The following CNTN6 variants were observed in gnomAD, a reference collection of about 807,000 sequenced individuals.
CNTN6 encodes contactin 6, also known as contactin-6.
Under a neutral mutation model 122.8 loss-of-function variants are expected in CNTN6, and 137 were observed. That is an observed-to-expected ratio of 1.12 (90% CI 0.97 to 1.29). CNTN6 has a LOEUF of 1.29. CNTN6 is among the 50% of genes most tolerant of loss of function. The pLI is 0.00. For missense variants in CNTN6, 1,634 were observed against 1,223.4 expected (o/e 1.34, Z -5.01); for synonymous variants, 570 against 426.0 (o/e 1.34, Z -4.16).
chr3:1,227,953 G>A lies in CNTN6; in HGVS notation c.318G>A (p.Leu106=), dbSNP rs780463628. 2 of 1,613,842 alleles carry A rather than the reference G, an allele frequency of 1.2e-6. No individual in the cohort carries two copies. Among genetic ancestry groups the A allele is most frequent in the South Asian group, 2.2e-5 (2 of 91,040 alleles). Residue 106 remains leucine (L), a synonymous_variant, in exon 4 of 23, where the codon CTG becomes CTA. Transcript: ENST00000446702. ...GMYQCLATNL[L]GTILSRKAKL... ...ACCAGTGCCTGGCCACCAATCTTCTGGGGACAATTCTGAGTCGGAAGGCAA... is the reference window on the plus strand; with the variant it reads ...ACCAGTGCCTGGCCACCAATCTTCTAGGGACAATTCTGAGTCGGAAGGCAA...
chr3:1,329,845 G>T lies in CNTN6; in HGVS notation c.1274G>T (p.Gly425Val). The change falls in exon 11 of 23, where the codon GGG (glycine) becomes GTG (valine). Residue 425 changes from glycine (G) to valine (V), a missense_variant. Coordinates refer to ENST00000446702, the MANE Select transcript of CNTN6 (RefSeq NM_001289080.2). Reference protein sequence around the residue: ...VKKKSFVQVGGDIVIGCKPNA... With the variant: ...VKKKSFVQVGVDIVIGCKPNA... ...AAAAAGTCTTTTGTTCAAGTTGGTG[G>T]GGATATTGTTATCGGATGCAAACCA... The T allele has an allele frequency of 1.2e-6, 2 of 1,610,804 alleles. No homozygotes were observed. Among genetic ancestry groups the T allele is most frequent in the Non-Finnish European group, 1.7e-6 (2 of 1,178,026 alleles).
chr3:1,334,647 A>G (rs1339042889), intron 11 of CNTN6, among the ~76,000 whole-genome samples: 2 of 152,096 alleles, frequency 1.3e-5, no homozygotes, highest in African/African-American at 4.8e-5. Context: ...CAAAACAGCT[A>G]AAATGATTTG....
At chr3:1,276,079 A>C (rs1482637412) in intron 4 of CNTN6, among the ~76,000 whole-genome samples, 1 of 152,232 alleles carries the variant, frequency 6.6e-6, no homozygotes, top group Admixed American at 6.5e-5. Flanking sequence ...AACTAAAAAA[A>C]CTACAATGTG....
intron 7 of CNTN6, among the ~76,000 whole-genome samples, chr3:1,305,373 A>C (rs1698190773): frequency 2.6e-5 from 4 of 152,204 alleles, no homozygotes; most frequent in Admixed American, 6.5e-5. Flanking sequence ...GGGATATGTA[A>C]CTGACTTCCT....
rs2126048349 is a variant in CNTN6, at chr3:1,344,440, G to A, written c.1365-7884G>A. ...TGACTGCCCCTTTGCTGGTGGAGCT[G>A]CTTTACCTGAACCTTTGACAGTCAG... On this transcript the variant is annotated intron_variant, in intron 11 of 22. Coordinates refer to ENST00000446702, the MANE Select transcript of CNTN6 (RefSeq NM_001289080.2). 2.6e-5 allele frequency among the ~76,000 whole-genome samples: 4 copies of A among 152,288 alleles called. 1 individual carries two copies. The South Asian group carries it at 8.3e-4, about 32-fold the overall frequency.
intron 11 of CNTN6, among the ~76,000 whole-genome samples, chr3:1,342,329 C>CAT (rs1704011033): frequency 1.3e-5 from 2 of 152,192 alleles, no homozygotes; most frequent in Admixed American, 1.3e-4. Flanking sequence ...GGGGTTTCAC[C>CAT]ATGTTGTTCA....
chr3:1,214,645 A>G (rs577325526), intron 2 of CNTN6, among the ~76,000 whole-genome samples: 3 of 152,158 alleles, frequency 2.0e-5, no homozygotes, highest in Admixed American at 1.3e-4. Flanking sequence ...TATTGGTGAT[A>G]ATACTAAAGT....
chr3:1,181,950 C>T (rs2093560849), intron 2 of CNTN6, among the ~76,000 whole-genome samples: 1 of 152,084 alleles, frequency 6.6e-6, no homozygotes, highest in Non-Finnish European at 1.5e-5. Context: ...GCTCTGACAA[C>T]GTCACTGCCA....
intron 2 of CNTN6, among the ~76,000 whole-genome samples, chr3:1,197,303 G>T (rs1159081110): frequency 6.6e-6 from 1 of 152,174 alleles, no homozygotes; most frequent in African/African-American, 2.4e-5. Flanking sequence ...TGGTTAATTA[G>T]ACCATTTTGT....
At chr3:1,228,235 G>C (rs941276076) in intron 4 of CNTN6, among the ~76,000 whole-genome samples, 4 of 151,966 alleles carry the variant, frequency 2.6e-5, no homozygotes, top group African/African-American at 9.7e-5. Flanking sequence ...ATTATTTTTA[G>C]AAACATTTCT....
At chr3:1,356,895 T>C (rs913867056) in intron 12 of CNTN6, among the ~76,000 whole-genome samples, 5 of 151,910 alleles carry the variant, frequency 3.3e-5, no homozygotes, top group African/African-American at 9.7e-5. Context: ...GCGTGAATTA[T>C]TGAAACGTGA....
rs1390380927 is a variant in CNTN6, at chr3:1,373,944, A to G, written c.1966A>G (p.Lys656Glu). ...TTTAGTTCCAGAAATTCTCAATGGT[A>G]AGACATACAATGCAACAGTGGTTGG... ...VATVPEILNG[K>E]TYNATVVGLS... is the part of the protein sequence containing the mutation. Residue 656 changes from lysine to glutamate, a missense_variant, in exon 16 of 23, where the codon AAG (lysine) becomes GAG (glutamate). Transcript: ENST00000446702. The G allele has an allele frequency of 2.5e-6, 4 of 1,611,614 alleles. No individual in the cohort carries two copies. The highest frequency in any genetic ancestry group is 3.4e-6 in the Non-Finnish European group (4 of 1,178,484).
intron 2 of CNTN6, among the ~76,000 whole-genome samples, chr3:1,150,708 A>G (rs1164584252): frequency 6.6e-6 from 1 of 152,218 alleles, no homozygotes; most frequent in Non-Finnish European, 1.5e-5. Context: ...AGGCTAAATA[A>G]TGGCCCCAAA....
chr3:1,159,170 A>T (rs2093063613), intron 2 of CNTN6, among the ~76,000 whole-genome samples: 1 of 151,864 alleles, frequency 6.6e-6, no homozygotes, highest in African/African-American at 2.4e-5. Flanking sequence ...TTACCGCCTA[A>T]TTACCATAGT....
chr3:1,327,281 C>T (rs1042661337), intron 9 of CNTN6, among the ~76,000 whole-genome samples, 176 bp from the exon 10 acceptor site: 1 of 151,692 alleles, frequency 6.6e-6, no homozygotes, highest in Non-Finnish European at 1.5e-5. Flanking sequence ...CTAAAATTAT[C>T]CTAAACATAT....
intron 20 of CNTN6, among the ~76,000 whole-genome samples, chr3:1,393,303 A>T (rs1386319587): frequency 1.9e-5 from 2 of 102,870 alleles, no homozygotes; most frequent in Non-Finnish European, 3.9e-5. Flanking sequence ...AAACTATCGC[A>T]AGAACAAAAA....
intron 2 of CNTN6, among the ~76,000 whole-genome samples, chr3:1,180,133 GA>G (rs1428399149): frequency 2.6e-5 from 4 of 152,070 alleles, no homozygotes; most frequent in Admixed American, 2.6e-4. Context: ...GCAAAAGTTG[GA>G]GGTCTCTGAA....
In CNTN6 at chr3:1,325,994, G is replaced by A. The variant is rs780441469; in HGVS notation, c.1083+43G>A. ...TATTAAAAGTTTACCTACTCTACTA[G>A]GTAAATTTTGTTACTAACAGTACTA... On this transcript the variant is annotated intron_variant, in intron 9 of 22. Coordinates refer to ENST00000446702, the MANE Select transcript of CNTN6 (RefSeq NM_001289080.2). 3 of 1,565,922 alleles carry A rather than the reference G, an allele frequency of 1.9e-6. No individual in the cohort carries two copies. In the South Asian group the frequency reaches 3.6e-5, roughly 19 times the overall value.
At chr3:1,391,855 GAAGGACCTCTTC>G (rs1469572548) in intron 20 of CNTN6, among the ~76,000 whole-genome samples, 3 of 152,064 alleles carry the variant, frequency 2.0e-5, no homozygotes, top group Non-Finnish European at 1.5e-5. Flanking sequence ...CAAGGGATGT[GAAGGACCTCTTC>G]AAGGAGAACT....
Sources: gnomAD v4.1 joint callset for allele counts (sites outside exome capture counted in the v4.1 genomes callset) on GRCh38, gnomAD v4.1.1 for gene constraint, MANE v1.5 for transcripts, NCBI Gene and HGNC (gene_info 2026-07-23, HGNC 2026-07-21) for gene names.